Variants in MCEE observed in about 807,000 individuals in gnomAD.
MCEE encodes the protein methylmalonyl-CoA epimerase, mitochondrial.
MCEE carries 6 observed loss-of-function variants against 12.9 expected under a neutral mutation model. The ratio of observed to expected loss-of-function variants is 0.47; its 90% confidence interval spans 0.26 to 0.92. The LOEUF (loss-of-function observed/expected upper bound fraction) is 0.92. Ranked by LOEUF, MCEE falls within the 40% of genes least tolerant of loss-of-function variation. The probability of loss-of-function intolerance (pLI) is 0.16; values close to 1 mark genes in which losing one functional copy is unlikely to be tolerated. For missense variants in MCEE, 214 were observed against 212.1 expected, an observed-to-expected ratio of 1.01 and a Z score of -0.05; for synonymous variants, 78 against 77.9, an observed-to-expected ratio of 1.00 and a Z score of -0.01.
At chr2:71,120,258 TG>T (rs1345126213) in intron 2 of MCEE, among the ~76,000 whole-genome samples, 1 of 150,184 alleles carries the variant, frequency 6.7e-6, no homozygotes, top group Non-Finnish European at 1.5e-5. Context: ...CACACTGTGC[TG>T]TCTGGCTAAG....
intron 2 of MCEE, 72 bp from the exon 3 acceptor site, chr2:71,110,194 G>C (rs2103769653): frequency 7.0e-7 from 1 of 1,426,788 alleles, no homozygotes; most frequent in African/African-American, 1.4e-5. Context: ...ATAAGACTTA[G>C]AAAAAACTTT....
intron 1 of MCEE, 65 bp downstream of exon 1, chr2:71,130,115 C>A: frequency 3.3e-6 from 5 of 1,529,520 alleles, no homozygotes; most frequent in Non-Finnish European, 4.5e-6. Context: ...AGGCCTCCTC[C>A]GCCCCCGACC....
Position 71,124,262 on chromosome 2 carries a change from T to C in MCEE, c.322A>G (p.Ile108Val), listed in dbSNP as rs771133834. 8 of 1,614,226 alleles carry C rather than the reference T, an allele frequency of 5.0e-6. No homozygotes were observed. Among genetic ancestry groups the C allele is most frequent in the Middle Eastern group, 1.6e-4 (1 of 6,062 alleles). ...LLHPLGRDSP[I>V]AGFLQKNKAG... Reference sequence around the variant, plus strand: ...TTGTTTTTCTGCAGAAAACCTGCAATTGGACTGTCACGTCCCAATGGATGA... The same window carrying C: ...TTGTTTTTCTGCAGAAAACCTGCAACTGGACTGTCACGTCCCAATGGATGA... The change falls in exon 2 of 3, where the codon ATT becomes GTT. Residue 108 changes from isoleucine (I) to valine (V), a missense_variant. Coordinates refer to ENST00000244217, the MANE Select transcript of MCEE (RefSeq NM_032601.4).
At chr2:71,129,934 T>G (rs763789419) in intron 1 of MCEE, 4 of 603,556 alleles carry the variant, frequency 6.6e-6, no homozygotes, top group Middle Eastern at 4.4e-4. Context: ...TACTGGAAGG[T>G]GCAGAGCCCA....
chr2:71,125,158 T>C (rs1422831831), intron 1 of MCEE, among the ~76,000 whole-genome samples: 1 of 138,424 alleles, frequency 7.2e-6, no homozygotes, highest in African/African-American at 2.6e-5. Flanking sequence ...AGCTAATTTG[T>C]GTGTGTGTGT....
At chr2:71,121,145 T>A (rs1291818719) in intron 2 of MCEE, among the ~76,000 whole-genome samples, 2 of 152,178 alleles carry the variant, frequency 1.3e-5, no homozygotes, top group Non-Finnish European at 2.9e-5. Flanking sequence ...GCAGGGCACA[T>A]AACTGCCTAG....
Position 71,124,375 on chromosome 2 carries a change from C to T in MCEE, c.209G>A (p.Gly70Glu). 6.2e-7 allele frequency: 1 copy of T among 1,614,092 alleles called. No individual in the cohort carries two copies. Among genetic ancestry groups the T allele is most frequent in the South Asian group, 1.1e-5 (1 of 91,074 alleles). ...AGGGACCGCTTCACTTACCTGGGCCCCCAGAATATTCTTATAAAATGCTGC... is the reference window on the plus strand; with the variant it reads ...AGGGACCGCTTCACTTACCTGGGCCTCCAGAATATTCTTATAAAATGCTGC... ...KAAAFYKNIL[G>E]AQVSEAVPLP... The change falls in exon 2 of 3, where the codon GGG becomes GAG. Residue 70 changes from glycine to glutamate, a missense_variant. Physicochemically the swap from Gly to Glu is moderately conservative, Grantham distance 98. Transcript: ENST00000244217.
chr2:71,114,894 T>C (rs1183611378), intron 2 of MCEE, among the ~76,000 whole-genome samples: 1 of 152,228 alleles, frequency 6.6e-6, no homozygotes, highest in Non-Finnish European at 1.5e-5. Context: ...ACTTCTCATA[T>C]GTTTGAACAA....
chr2:71,115,911 A>ATG (rs1392959661), intron 2 of MCEE, among the ~76,000 whole-genome samples: 5 of 149,494 alleles, frequency 3.3e-5, no homozygotes, highest in Admixed American at 6.6e-5. Flanking sequence ...TGTGTACCTT[A>ATG]TGTAACAAAC....
intron 1 of MCEE, among the ~76,000 whole-genome samples, chr2:71,127,448 A>T (rs570588597): frequency 3.3e-5 from 5 of 152,384 alleles, no homozygotes; most frequent in South Asian, 2.1e-4. Context: ...TATAAAAAGT[A>T]CTATAAAAGT....
At position 71,120,340 on chromosome 2, in the gene MCEE, C is replaced by A. The variant is rs1290511673; in HGVS notation, c.378+3866G>T. Among the ~76,000 whole-genome samples the A allele has an allele frequency of 1.3e-5, 2 of 149,998 alleles. 1 individual carries two copies. The highest frequency in any genetic ancestry group is 5.1e-5 in the African/African-American group (2 of 39,452). Reference sequence around the variant, plus strand: ...ACGCAGAAGGCAGGGAAGGTGACCCCCCTCTTGCCATCGCAGGCAGCAGTT... The same window carrying A: ...ACGCAGAAGGCAGGGAAGGTGACCCACCTCTTGCCATCGCAGGCAGCAGTT... On this transcript the variant is annotated intron_variant, in intron 2 of 2. Coordinates refer to ENST00000244217, the MANE Select transcript of MCEE (RefSeq NM_032601.4).
At chr2:71,115,494 T>C (rs898461629) in intron 2 of MCEE, among the ~76,000 whole-genome samples, 1 of 151,048 alleles carries the variant, frequency 6.6e-6, no homozygotes, top group African/African-American at 2.5e-5. Context: ...TTTATCCTTC[T>C]GTTAGTGTTG....
chr2:71,130,201 C>G lies in MCEE; in HGVS notation c.19G>C (p.Ala7Pro), dbSNP rs941210065. The G allele has an allele frequency of 6.2e-7, 1 of 1,607,882 alleles. No individual in the cohort carries two copies. The change falls in exon 1 of 3, where the codon GCT becomes CCT. Residue 7 changes from alanine to proline, a missense_variant. By Grantham distance (27) the Ala-to-Pro change is conservative. Coordinates refer to ENST00000244217, the MANE Select transcript of MCEE (RefSeq NM_032601.4). ...TCACCTACGGCATTCGCGGCTGCAG[C>G]CTTCAGCACCCGCGCCATTTTGGAA... MARVLKAAAANAVGLFS... is the reference protein window; with the variant it reads MARVLKPAAANAVGLFS...
chr2:71,124,581 G>A (rs770711145), intron 1 of MCEE, 38 bp from the exon 2 acceptor site: 5 of 1,473,762 alleles, frequency 3.4e-6, no homozygotes, highest in Non-Finnish European at 4.7e-6. Flanking sequence ...CTTCTTTTGA[G>A]AATTAACGCA....
chr2:71,109,983 A>G lies in MCEE; in HGVS notation c.518T>C (p.Leu173Pro). Residue 173 changes from leucine to proline, a missense_variant, in exon 3 of 3, where the codon CTG becomes CCG. By Grantham distance (98) the Leu-to-Pro change is moderately conservative. Transcript: ENST00000244217. Reference sequence around the variant, plus strand: ...TGCAAATATAAATCAAGCTTGCTCCAGTTCCACAAGGACTCCACCACAGTC... The same window carrying G: ...TGCAAATATAAATCAAGCTTGCTCCGGTTCCACAAGGACTCCACCACAGTC... The part of the protein sequence containing the change: ...PKDCGGVLVE[L>P]EQA The G allele has an allele frequency of 6.2e-7, 1 of 1,613,744 alleles. No homozygotes were observed. Among genetic ancestry groups the G allele is most frequent in the Non-Finnish European group, 8.5e-7 (1 of 1,179,860 alleles).
chr2:71,114,039 G>T (rs1463363724), intron 2 of MCEE, among the ~76,000 whole-genome samples: 2 of 151,944 alleles, frequency 1.3e-5, no homozygotes, highest in Non-Finnish European at 2.9e-5. Context: ...ATCTTCAAAA[G>T]TGTTAAGGTC....
At chr2:71,123,743 T>C (rs1228805387) in intron 2 of MCEE, among the ~76,000 whole-genome samples, 1 of 152,206 alleles carries the variant, frequency 6.6e-6, no homozygotes, top group African/African-American at 2.4e-5. Context: ...ATTACAGTAA[T>C]TGAAAATGTA....
At chr2:71,114,853 G>A (rs545612323) in intron 2 of MCEE, among the ~76,000 whole-genome samples, 2 of 152,240 alleles carry the variant, frequency 1.3e-5, no homozygotes, top group South Asian at 2.1e-4. Context: ...TTGAACCTGG[G>A]TGATGAAAGT....
chr2:71,122,188 T>C (rs1673112824), intron 2 of MCEE, among the ~76,000 whole-genome samples: 1 of 152,212 alleles, frequency 6.6e-6, no homozygotes, highest in Non-Finnish European at 1.5e-5. Flanking sequence ...TGCAGTGGTG[T>C]GATCACGGCT....
Sources: gnomAD v4.1 joint callset for allele counts (sites outside exome capture counted in the v4.1 genomes callset) on GRCh38, gnomAD v4.1.1 for gene constraint, MANE v1.5 for transcripts, NCBI Gene and HGNC (gene_info 2026-07-23, HGNC 2026-07-21) for gene names.